CYP19A1: variants seen among roughly 807,000 people sequenced by gnomAD.
The protein encoded by CYP19A1 is aromatase.
A neutral mutation model predicts 44.4 loss-of-function variants in CYP19A1; 32 were observed. The ratio of observed to expected loss-of-function variants is 0.72; its 90% CI spans 0.54 to 0.97. CYP19A1 has a LOEUF of 0.97. Ranked by LOEUF, CYP19A1 falls within the 50% of genes least tolerant of loss-of-function variation. The pLI is 0.00. For missense variants in CYP19A1, 598 were observed against 637.8 expected, an observed-to-expected ratio of 0.94 and a Z score of 0.67; for synonymous variants, 212 against 215.6, an observed-to-expected ratio of 0.98 and a Z score of 0.14.
intron 1 of CYP19A1, among the ~76,000 whole-genome samples, chr15:51,330,850 T>C (rs907329710): frequency 6.6e-6 from 1 of 152,176 alleles, no homozygotes; most frequent in African/African-American, 2.4e-5. Context: ...TCAAGTAAGA[T>C]TGACCTTTAG....
chr15:51,238,425 G>A (rs940261633), intron 2 of CYP19A1, among the ~76,000 whole-genome samples: 2 of 152,200 alleles, frequency 1.3e-5, no homozygotes, highest in African/African-American at 2.4e-5. Flanking sequence ...CTCAACGAAT[G>A]TTTCCTGAAT....
chr15:51,280,591 C>T (rs1310236899), intron 1 of CYP19A1, among the ~76,000 whole-genome samples: 1 of 152,150 alleles, frequency 6.6e-6, no homozygotes, highest in Admixed American at 6.5e-5. Context: ...GACACTAGTC[C>T]TTGGCAGGCT....
chr15:51,305,297 G>A (rs2036194453), intron 1 of CYP19A1, among the ~76,000 whole-genome samples: 1 of 152,190 alleles, frequency 6.6e-6, no homozygotes, highest in Admixed American at 6.5e-5. Context: ...GTATAGAATT[G>A]TGAGGGTGTG....
intron 1 of CYP19A1, among the ~76,000 whole-genome samples, chr15:51,297,817 G>GACAC (rs1159870053): frequency 0.11 from 12,426 of 111,590 alleles, 786 homozygotes; most frequent in Middle Eastern, 0.18. Context: ...CTGTAGGCAT[G>GACAC]ACACACACAC....
intron 1 of CYP19A1, among the ~76,000 whole-genome samples, chr15:51,265,303 C>T (rs1405294135): frequency 6.6e-6 from 1 of 152,224 alleles, no homozygotes; most frequent in Admixed American, 6.5e-5. Context: ...ACTCCCTCCC[C>T]ACATTAAGTC....
intron 1 of CYP19A1, among the ~76,000 whole-genome samples, chr15:51,332,442 C>G (rs28757077): frequency 6.6e-6 from 1 of 152,136 alleles, no homozygotes. Flanking sequence ...GTTAACATTT[C>G]CCTTGAAATA....
In CYP19A1 at chr15:51,236,920, G is replaced by T. The variant is rs759823444; in HGVS notation, c.235C>A (p.Arg79=). The change falls in exon 3 of 10, where the codon CGG becomes AGG. Residue 79 remains arginine, a synonymous_variant. Transcript: ENST00000396402. ...GIGSACNYYN[R]VYGEFMRVWI... is the part of the protein sequence containing the mutation. ...ACTCGCATGAATTCTCCATATACCC[G>T]GTTGTAGTAGTTGCAGGCACTGCCG... The T allele has an allele frequency of 6.2e-7, 1 of 1,614,026 alleles. No homozygotes were observed. Among genetic ancestry groups the T allele is most frequent in the Non-Finnish European group, 8.5e-7 (1 of 1,180,028 alleles).
intron 1 of CYP19A1, among the ~76,000 whole-genome samples, chr15:51,315,600 T>C (rs2036410982): frequency 6.6e-6 from 1 of 152,194 alleles, no homozygotes; most frequent in Non-Finnish European, 1.5e-5. Flanking sequence ...TGTCTGCTGT[T>C]GGTAGAGGCT....
chr15:51,251,080 C>T (rs182240299), intron 1 of CYP19A1, among the ~76,000 whole-genome samples: 2 of 152,268 alleles, frequency 1.3e-5, no homozygotes, highest in African/African-American at 2.4e-5. Flanking sequence ...AGGCCTGCCA[C>T]GCCCGGGCTG....
intron 3 of CYP19A1, among the ~76,000 whole-genome samples, chr15:51,234,456 C>G (rs906783702): frequency 2.0e-5 from 3 of 152,056 alleles, no homozygotes; most frequent in Non-Finnish European, 4.4e-5. Context: ...CAGATGCCAC[C>G]CCCACTGTAA....
intron 3 of CYP19A1, among the ~76,000 whole-genome samples, chr15:51,228,567 T>C (rs569650094): frequency 6.6e-6 from 1 of 152,288 alleles, no homozygotes; most frequent in South Asian, 2.1e-4. Flanking sequence ...GCATGCAAAG[T>C]TCACTGTGGT....
chr15:51,269,687 T>C (rs550450885), intron 1 of CYP19A1, among the ~76,000 whole-genome samples: 32 of 152,320 alleles, frequency 2.1e-4, no homozygotes, highest in African/African-American at 7.5e-4. Context: ...AGGGTACTAG[T>C]GGTAGCCCAT....
intron 1 of CYP19A1, among the ~76,000 whole-genome samples, chr15:51,271,112 T>G (rs2035111542): frequency 6.6e-6 from 1 of 152,180 alleles, no homozygotes; most frequent in East Asian, 1.9e-4. Context: ...CTCAGTTTGT[T>G]TCTGGTTCTC....
intron 1 of CYP19A1, among the ~76,000 whole-genome samples, chr15:51,297,635 C>T (rs1460026042): frequency 6.6e-6 from 1 of 152,110 alleles, no homozygotes; most frequent in Non-Finnish European, 1.5e-5. Context: ...CAGTGCTCTG[C>T]TCTGCTCCCT....
At chr15:51,237,766 G>A (rs186516053) in intron 2 of CYP19A1, among the ~76,000 whole-genome samples, 9 of 152,310 alleles carry the variant, frequency 5.9e-5, no homozygotes, top group African/African-American at 1.9e-4. Context: ...AAGAACATGC[G>A]TCCAGGGAAC....
intron 1 of CYP19A1, among the ~76,000 whole-genome samples, chr15:51,284,107 GCCTC>G (rs2035620392): frequency 6.6e-6 from 1 of 152,126 alleles, no homozygotes; most frequent in South Asian, 2.1e-4. Context: ...TCTGTGGTCT[GCCTC>G]CCCAGGAGAA....
chr15:51,223,593 T>TCTCACACACACACACACACACA lies in CYP19A1; in HGVS notation c.452-1069_452-1068insTGTGTGTGTGTGTGTGTGTGAG, dbSNP rs1356666512. 7.6e-4 allele frequency among the ~76,000 whole-genome samples: 69 copies of TCTCACACACACACACACACACA among 90,206 alleles called. 1 individual carries two copies. Among genetic ancestry groups the TCTCACACACACACACACACACA allele is most frequent in the East Asian group, 3.8e-3 (8 of 2,122 alleles). 59.2% of individuals were successfully genotyped at this position (90,206 alleles called of 152,430 possible). On this transcript the variant is annotated intron_variant, in intron 4 of 9. Transcript: ENST00000396402. ...CTTGCTCTCTCTCTCTCTCTCTCTC[T>TCTCACACACACACACACACACA]CACACACACACACACACACACACAC...
At chr15:51,269,215 A>G (rs1377709944) in intron 1 of CYP19A1, among the ~76,000 whole-genome samples, 1 of 152,096 alleles carries the variant, frequency 6.6e-6, no homozygotes, top group Non-Finnish European at 1.5e-5. Flanking sequence ...GGTAAGGGTT[A>G]ATAGGGTTAT....
chr15:51,257,758 A>G (rs1217459648), intron 1 of CYP19A1, among the ~76,000 whole-genome samples: 3 of 124,770 alleles, frequency 2.4e-5, no homozygotes, highest in Admixed American at 2.2e-4. Context: ...ATGAAGGTCA[A>G]GTTTTTTTTT....
Sources: gnomAD v4.1 joint callset for allele counts (sites outside exome capture counted in the v4.1 genomes callset) on GRCh38, gnomAD v4.1.1 for gene constraint, MANE v1.5 for transcripts, NCBI Gene and HGNC (gene_info 2026-07-23, HGNC 2026-07-21) for gene names.